The following MOG variants were observed in gnomAD, a reference collection of about 807,000 sequenced individuals.
The protein encoded by MOG is myelin-oligodendrocyte glycoprotein.
Under a neutral mutation model 35.9 loss-of-function variants are expected in MOG, and 20 were observed. The observed-to-expected ratio is 0.56, with a 90% CI of 0.39 to 0.81. The LOEUF (loss-of-function observed/expected upper bound fraction) is 0.81, where lower values mean the gene tolerates loss of function less well. MOG is among the 30% of genes least tolerant of loss of function. MOG has a pLI of 0.00. For synonymous variants in MOG, 92 were observed against 114.3 expected, an observed-to-expected ratio of 0.80 and a Z score of 1.25; for missense variants, 251 against 301.0, an observed-to-expected ratio of 0.83 and a Z score of 1.23.
At chr6:29,658,463 C>T (rs557939340) in intron 1 of MOG, among the ~76,000 whole-genome samples, 1 of 152,224 alleles carries the variant, frequency 6.6e-6, no homozygotes, top group Non-Finnish European at 1.5e-5. Flanking sequence ...AGAGCCATCC[C>T]CAGGGTGGAA....
chr6:29,659,182 C>A, intron 1 of MOG, 137 bp from the exon 2 acceptor site: 1 of 751,772 alleles, frequency 1.3e-6, no homozygotes, highest in Non-Finnish European at 2.3e-6. Context: ...CAATTGCAAT[C>A]CTCCCTGGCT....
chr6:29,670,210 CAA>C lies in MOG; in HGVS notation c.593-66_593-65del, dbSNP rs749206925. The C allele has an allele frequency of 9.3e-6, 15 of 1,613,940 alleles. No individual in the cohort carries two copies. In the African/African-American group the frequency reaches 2.0e-4, roughly 22 times the overall value. Reference sequence around the variant, plus strand: ...GTTCTAGGACCCCAGGTTAAGGAACCAAAAAAGACAGGTGGGTGGGGCATGAG... The same window carrying C: ...GTTCTAGGACCCCAGGTTAAGGAACCAAAAGACAGGTGGGTGGGGCATGAG... On this transcript the variant is annotated intron_variant, in intron 5 of 7. Transcript: ENST00000376917. This position sits in a 1 kb window ranked among gnomAD's most constrained non-coding sequence, Gnocchi z 4.2.
At chr6:29,668,074 G>A in intron 5 of MOG, 150 bp downstream of exon 5, 1 of 774,280 alleles carries the variant, frequency 1.3e-6, no homozygotes, top group Non-Finnish European at 2.2e-6. Flanking sequence ...TTTGCATTTA[G>A]GATTGGTAAA....
rs17184514 is a variant in MOG, at chr6:29,667,633, T to G, written c.551-10T>G. The G allele has an allele frequency of 0.017, 26,668 of 1,613,892 alleles. 295 individuals are homozygous for G. Among genetic ancestry groups the G allele is most frequent in the Non-Finnish European group, 0.02 (23,466 of 1,179,832 alleles). On this transcript the variant is annotated splice_polypyrimidine_tract_variant and intron_variant, in intron 3 of 7. Transcript: ENST00000376917. Reference sequence around the variant, plus strand: ...TGCAGGAACTAAAATGTTGCCTTTTTCTATTTTAGGAAAACTTCGAGCAGA... The same window carrying G: ...TGCAGGAACTAAAATGTTGCCTTTTGCTATTTTAGGAAAACTTCGAGCAGA...
intron 2 of MOG, among the ~76,000 whole-genome samples, chr6:29,664,256 G>C (rs1380553867): frequency 6.7e-6 from 1 of 149,804 alleles, no homozygotes; most frequent in Non-Finnish European, 1.5e-5. Context: ...TACCCAGGCT[G>C]GAGTGCAATG....
chr6:29,666,941 G>A (rs1269620943), intron 3 of MOG, among the ~76,000 whole-genome samples: 1 of 152,134 alleles, frequency 6.6e-6, no homozygotes, highest in African/African-American at 2.4e-5. Flanking sequence ...GGAATGTTCT[G>A]GGGGAATGGG....
intron 2 of MOG, chr6:29,661,757 A>C: frequency 1.0e-6 from 1 of 963,956 alleles, no homozygotes; most frequent in Non-Finnish European, 1.2e-6. Flanking sequence ...CGGAGGTTGC[A>C]GTGAGCCAAG....
At chr6:29,668,887 T>G (rs1271185523) in intron 5 of MOG, among the ~76,000 whole-genome samples, 1 of 151,882 alleles carries the variant, frequency 6.6e-6, no homozygotes, top group Non-Finnish European at 1.5e-5. Context: ...AATACAGTTA[T>G]CAACCGATAA....
At chr6:29,664,998 T>C (rs375054509) in intron 2 of MOG, among the ~76,000 whole-genome samples, 2 of 152,206 alleles carry the variant, frequency 1.3e-5, no homozygotes, top group East Asian at 3.8e-4. Context: ...AGGGTGACCC[T>C]ATTAATTAGT....
In MOG at chr6:29,661,688, C is replaced by T; in HGVS notation, c.436+2022C>T. On this transcript the variant is annotated intron_variant, in intron 2 of 7. Transcript: ENST00000376917. ...ACACAAAATTAGCCTGGCGTGGTGG[C>T]GCATTCCTGTAATCCCAGCTGGGAG... 21 of 821,064 alleles carry T rather than the reference C, an allele frequency of 2.6e-5. No individual in the cohort carries two copies. The South Asian group carries it at 6.1e-4, about 24-fold the overall frequency. The allele number at this position is 821,064 out of a possible 1,614,324, so 50.9% of individuals were successfully genotyped here.
Position 29,657,147 on chromosome 6 carries a change from C to G in MOG, c.-63C>G, listed in dbSNP as rs1218329415. 9.7e-6 allele frequency: 12 copies of G among 1,236,846 alleles called. No homozygotes were observed. Among genetic ancestry groups the G allele is most frequent in the Non-Finnish European group, 1.3e-5 (11 of 839,608 alleles). The allele number at this position is 1,236,846 out of a possible 1,614,324, so 76.6% of individuals were successfully genotyped here. A position where few individuals can be genotyped will look rare whatever the true frequency, so the allele number is the denominator to read the frequency against. On this transcript the variant is annotated 5_prime_UTR_variant, in exon 1 of 8. Transcript: ENST00000376917. ...TTTTCAGCAGTAAGGGGACATGCAC[C>G]CCAAGGGCCTCCACTTGGCCTGACC...
In MOG at chr6:29,659,622, A is replaced by T; in HGVS notation, c.392A>T (p.Asp131Val). Residue 131 changes from aspartate to valine, a missense_variant, in exon 2 of 8, where the codon GAT becomes GTT. Transcript: ENST00000376917. ...GGAGGTTTCACCTGCTTCTTCCGAG[A>T]TCATTCTTACCAAGAGGAGGCAGCA... ...DEGGFTCFFR[D>V]HSYQEEAAME... 1.2e-6 allele frequency: 2 copies of T among 1,613,138 alleles called. No individual in the cohort carries two copies. The highest frequency in any genetic ancestry group is 1.7e-6 in the Non-Finnish European group (2 of 1,180,020).
Position 29,672,058 on chromosome 6 carries a change from G to A in MOG, c.*873G>A. 6.5e-6 allele frequency: 1 copy of A among 154,492 alleles called. No individual in the cohort carries two copies. The highest frequency in any genetic ancestry group is 1.4e-5 in the Non-Finnish European group (1 of 69,586). The allele number at this position is 154,492 out of a possible 1,614,324, so 9.6% of individuals were successfully genotyped here. A position where few individuals can be genotyped will look rare whatever the true frequency, so the allele number is the denominator to read the frequency against. On this transcript the variant is annotated 3_prime_UTR_variant, in exon 8 of 8. Transcript: ENST00000376917. The stretch of plus-strand genomic sequence containing the variant: ...AATCCCAGCACTTTGGGAGGCCGAG[G>A]CGGGCGAATCACGAGGTCAGGAGTT...
chr6:29,660,951 C>T (rs1285848880), intron 2 of MOG, among the ~76,000 whole-genome samples: 1 of 152,062 alleles, frequency 6.6e-6, no homozygotes, highest in Non-Finnish European at 1.5e-5. Context: ...TCAGGTGATC[C>T]ACTCGCCTCA....
chr6:29,666,640 G>A (rs2535250), intron 3 of MOG, among the ~76,000 whole-genome samples: 10,915 of 152,176 alleles, frequency 0.072, 733 homozygotes, highest in African/African-American at 0.17. Flanking sequence ...TGTGAGCTTC[G>A]AAGTCAGACA....
rs757881503 is a variant in MOG, at chr6:29,670,205, G to A, written c.593-76G>A. Reference sequence around the variant, plus strand: ...TTGGTGTTCTAGGACCCCAGGTTAAGGAACCAAAAAAGACAGGTGGGTGGG... The same window carrying A: ...TTGGTGTTCTAGGACCCCAGGTTAAAGAACCAAAAAAGACAGGTGGGTGGG... On this transcript the variant is annotated intron_variant, in intron 5 of 7. Transcript: ENST00000376917. The surrounding 1 kb of genome is among the most constrained non-coding windows in gnomAD (Gnocchi z 4.2). 3 of 1,614,060 alleles carry A rather than the reference G, an allele frequency of 1.9e-6. No individual in the cohort carries two copies. The African/African-American group carries it at 4.0e-5, about 22-fold the overall frequency.
intron 5 of MOG, among the ~76,000 whole-genome samples, chr6:29,669,286 TTC>T (rs1444095829): frequency 7.6e-6 from 1 of 131,158 alleles, no homozygotes; most frequent in Non-Finnish European, 1.7e-5. Context: ...AACCTGTAAT[TTC>T]TTTCTTTCTT....
intron 2 of MOG, among the ~76,000 whole-genome samples, chr6:29,660,259 C>T (rs1279495875): frequency 1.5e-5 from 2 of 131,510 alleles, no homozygotes; most frequent in Non-Finnish European, 3.4e-5. Context: ...CCGTGGCTCA[C>T]GCCTGTAATC....
intron 1 of MOG, 117 bp downstream of exon 1, chr6:29,657,414 A>G: frequency 2.5e-6 from 2 of 815,446 alleles, no homozygotes; most frequent in Non-Finnish European, 4.1e-6. Flanking sequence ...TAAAACATAG[A>G]CCTACTGACA....
Sources: gnomAD v4.1 joint callset for allele counts (sites outside exome capture counted in the v4.1 genomes callset) on GRCh38, gnomAD v4.1.1 for gene constraint, Gnocchi (gnomAD v3.1) non-coding constraint, MANE v1.5 for transcripts, NCBI Gene and HGNC (gene_info 2026-07-23, HGNC 2026-07-21) for gene names.